BARX2: variants seen among roughly 807,000 people sequenced by gnomAD.
BARX2 encodes BARX homeobox 2.
Under a neutral mutation model 25.5 loss-of-function variants are expected in BARX2, and 11 were observed. That is an observed-to-expected ratio of 0.43 (90% CI 0.27 to 0.71). The LOEUF is 0.71. BARX2 is among the 30% of genes least tolerant of loss of function. The pLI, the probability that BARX2 is intolerant of heterozygous loss-of-function variation, is 0.19. For synonymous variants in BARX2, 137 were observed against 149.5 expected (o/e 0.92, Z 0.61); for missense variants, 360 against 359.9 (o/e 1.00, Z 0.00).
At chr11:129,404,276 G>T (rs1198933458) in intron 1 of BARX2, among the ~76,000 whole-genome samples, 1 of 152,228 alleles carries the variant, frequency 6.6e-6, no homozygotes, top group Admixed American at 6.5e-5. Flanking sequence ...GGCTGACGGG[G>T]TGAACAGTGC....
chr11:129,445,693 C>CAGAA (rs2135416783), intron 3 of BARX2, among the ~76,000 whole-genome samples: 1 of 152,270 alleles, frequency 6.6e-6, no homozygotes, highest in African/African-American at 2.4e-5. Context: ...GCCTGTCCAC[C>CAGAA]AGAAAATAAA....
At chr11:129,424,076 T>A (rs1862038399) in intron 1 of BARX2, among the ~76,000 whole-genome samples, 1 of 152,112 alleles carries the variant, frequency 6.6e-6, no homozygotes, top group African/African-American at 2.4e-5. Context: ...CCTCGAACTC[T>A]TGACCTTGTG....
At chr11:129,402,105 T>A (rs1432585855) in intron 1 of BARX2, among the ~76,000 whole-genome samples, 1 of 151,900 alleles carries the variant, frequency 6.6e-6, no homozygotes, top group Admixed American at 6.5e-5. Context: ...ATCATCGTAG[T>A]GTATGGGATG....
At chr11:129,393,391 C>T (rs1335223194) in intron 1 of BARX2, among the ~76,000 whole-genome samples, 1 of 152,094 alleles carries the variant, frequency 6.6e-6, no homozygotes, top group African/African-American at 2.4e-5. Flanking sequence ...CTCAGTAATG[C>T]TTTCTAAAAA....
intron 1 of BARX2, among the ~76,000 whole-genome samples, chr11:129,395,281 G>A (rs1861706863): frequency 6.6e-6 from 1 of 152,140 alleles, no homozygotes; most frequent in African/African-American, 2.4e-5. Flanking sequence ...TGGTTTCTGG[G>A]ATTGACAATA....
chr11:129,442,323 C>T (rs184015493), intron 2 of BARX2, among the ~76,000 whole-genome samples: 44 of 152,196 alleles, frequency 2.9e-4, no homozygotes, highest in Non-Finnish European at 4.0e-4. Flanking sequence ...CAGCAGGAAA[C>T]GTGGGACCAT....
intron 1 of BARX2, among the ~76,000 whole-genome samples, chr11:129,385,868 T>C (rs1861612813): frequency 6.6e-6 from 1 of 152,238 alleles, no homozygotes; most frequent in South Asian, 2.1e-4. Flanking sequence ...CTCTTAATCT[T>C]GTGGAACTTT....
intron 1 of BARX2, among the ~76,000 whole-genome samples, chr11:129,428,741 A>G (rs1449380677): frequency 1.3e-5 from 2 of 152,198 alleles, no homozygotes; most frequent in Non-Finnish European, 2.9e-5. Flanking sequence ...TTAGAGACAC[A>G]TATCAAATAC....
intron 2 of BARX2, among the ~76,000 whole-genome samples, chr11:129,440,875 A>G (rs1363665189): frequency 6.6e-6 from 1 of 152,212 alleles, no homozygotes; most frequent in African/African-American, 2.4e-5. Context: ...CCCGAGATTC[A>G]CAGACGGCAA....
At chr11:129,377,345 C>T (rs1565506653) in intron 1 of BARX2, among the ~76,000 whole-genome samples, 1 of 152,192 alleles carries the variant, frequency 6.6e-6, no homozygotes, top group East Asian at 1.9e-4. Flanking sequence ...CCCTATATGA[C>T]AATCAGTAAA....
At chr11:129,435,862 T>G (rs559943804) in intron 1 of BARX2, among the ~76,000 whole-genome samples, 1 of 152,200 alleles carries the variant, frequency 6.6e-6, no homozygotes, top group Non-Finnish European at 1.5e-5. Flanking sequence ...GCCTTGAAAT[T>G]CCTAACGCAG....
chr11:129,396,393 T>A (rs1262803665), intron 1 of BARX2, among the ~76,000 whole-genome samples: 1 of 132,998 alleles, frequency 7.5e-6, no homozygotes, highest in Non-Finnish European at 1.6e-5. Flanking sequence ...CCCACTCACC[T>A]TTTTTTTTTT....
intron 1 of BARX2, among the ~76,000 whole-genome samples, chr11:129,405,185 G>T (rs1156261861): frequency 6.6e-6 from 1 of 152,098 alleles, no homozygotes; most frequent in African/African-American, 2.4e-5. Flanking sequence ...CTCAATTCTG[G>T]GATATCCCGA....
chr11:129,445,797 A>AT (rs1035066217), intron 3 of BARX2, among the ~76,000 whole-genome samples: 2 of 152,206 alleles, frequency 1.3e-5, no homozygotes, highest in African/African-American at 4.8e-5. Context: ...AGGGAAATTT[A>AT]TAGGATCAGC....
In BARX2 at chr11:129,426,160, C is replaced by G. The variant is rs1445917465; in HGVS notation, c.188-10591C>G. On this transcript the variant is annotated intron_variant, in intron 1 of 3. Coordinates refer to ENST00000281437, the MANE Select transcript of BARX2 (RefSeq NM_003658.5). ...TCATTCACTCTTGCTGGACTAGAAACTTGGTGAATCACAGTTAAAAGGCTA... is the reference window on the plus strand; with the variant it reads ...TCATTCACTCTTGCTGGACTAGAAAGTTGGTGAATCACAGTTAAAAGGCTA... Among the ~76,000 whole-genome samples, 11 of 152,150 alleles carry G rather than the reference C, an allele frequency of 7.2e-5. No homozygotes were observed. In the South Asian group the frequency reaches 2.3e-3, roughly 32 times the overall value.
intron 1 of BARX2, among the ~76,000 whole-genome samples, chr11:129,410,374 T>C (rs1447902887): frequency 6.6e-6 from 1 of 152,242 alleles, no homozygotes; most frequent in Non-Finnish European, 1.5e-5. Context: ...CTGAGGATGT[T>C]AATGACAGCT....
chr11:129,411,263 C>T (rs1227876645), intron 1 of BARX2, among the ~76,000 whole-genome samples: 2 of 148,824 alleles, frequency 1.3e-5, no homozygotes, highest in African/African-American at 5.0e-5. Context: ...CCCAGCTACT[C>T]GGGAGGCTGA....
chr11:129,413,028 T>C (rs1444863111), intron 1 of BARX2, among the ~76,000 whole-genome samples: 1 of 150,724 alleles, frequency 6.6e-6, no homozygotes, highest in African/African-American at 2.5e-5. Context: ...GAAGAGGAAT[T>C]CTTAGGTATG....
chr11:129,448,997 C>G (rs566314001), intron 3 of BARX2, among the ~76,000 whole-genome samples: 9 of 152,244 alleles, frequency 5.9e-5, no homozygotes, highest in Non-Finnish European at 1.2e-4. Context: ...TCTGTAGAGA[C>G]AGAAAGCAGA....
Sources: allele counts gnomAD v4.1 joint callset (sites outside exome capture counted in the v4.1 genomes callset), GRCh38; gene constraint gnomAD v4.1.1; transcripts MANE v1.5; gene names NCBI Gene and HGNC (gene_info 2026-07-23, HGNC 2026-07-21).